The following RSBN1L variants were observed in gnomAD, a reference collection of about 807,000 sequenced individuals.
RSBN1L encodes lysine-specific demethylase RSBN1L.
A neutral mutation model predicts 67.7 loss-of-function variants in RSBN1L; 30 were observed. The observed-to-expected ratio is 0.44, with a 90% CI of 0.33 to 0.60. The LOEUF is 0.60. Among genes scored for constraint, RSBN1L ranks in the 20% least tolerant of loss-of-function variants. The pLI, the probability that RSBN1L is intolerant of heterozygous loss-of-function variation, is 0.02. For synonymous variants in RSBN1L, 433 were observed against 387.0 expected (o/e 1.12, Z -1.39); for missense variants, 992 against 1,031.7 (o/e 0.96, Z 0.53).
chr7:77,774,230 G>C (rs1791882962), intron 6 of RSBN1L, among the ~76,000 whole-genome samples: 1 of 152,270 alleles, frequency 6.6e-6, no homozygotes, highest in Non-Finnish European at 1.5e-5. Flanking sequence ...TACTTGAGGT[G>C]TCATCTCATA....
chr7:77,731,722 A>C (rs563657081), intron 1 of RSBN1L, among the ~76,000 whole-genome samples: 2 of 151,758 alleles, frequency 1.3e-5, no homozygotes, highest in African/African-American at 4.8e-5. Context: ...CAGCTTTATC[A>C]GTTCTTTTTT....
chr7:77,718,620 C>CT (rs1791077810), intron 1 of RSBN1L, among the ~76,000 whole-genome samples: 1 of 152,094 alleles, frequency 6.6e-6, no homozygotes, highest in South Asian at 2.1e-4. Flanking sequence ...CAGTTTTCTA[C>CT]TTTAACATTT....
rs777035604 is a variant in RSBN1L, at chr7:77,696,669, G to C, written c.200G>C (p.Arg67Thr). 3.2e-5 allele frequency: 51 copies of C among 1,611,322 alleles called. No individual in the cohort carries two copies. Among genetic ancestry groups the C allele is most frequent in the Non-Finnish European group, 4.2e-5 (49 of 1,179,138 alleles). Residue 67 changes from arginine (R) to threonine (T), a missense_variant, in exon 1 of 8, where the codon AGG becomes ACG. Coordinates refer to ENST00000334955, the MANE Select transcript of RSBN1L (RefSeq NM_198467.3). Reference sequence around the variant, plus strand: ...GAAGGGGGCAGCGGCGGGAACAGCAGGCAGCTGCAGCCGCCGGCAGCACCT... The same window carrying C: ...GAAGGGGGCAGCGGCGGGAACAGCACGCAGCTGCAGCCGCCGGCAGCACCT... ...NGEGGSGGNS[R>T]QLQPPAAPSP...
In RSBN1L at chr7:77,697,075, G is replaced by T. The variant is rs1263865517; in HGVS notation, c.586+20G>T. ...CCCGAGGTGGGTGCCGTGCGGGGAG[G>T]GGGAGGGGAGGGCGCCGTGGGTCCC... On this transcript the variant is annotated intron_variant, in intron 1 of 7. Coordinates refer to ENST00000334955, the MANE Select transcript of RSBN1L (RefSeq NM_198467.3). 3 of 1,378,638 alleles carry T rather than the reference G, an allele frequency of 2.2e-6. No homozygotes were observed. The highest frequency in any genetic ancestry group is 2.8e-6 in the Non-Finnish European group (3 of 1,072,160). The allele number at this position is 1,378,638 out of a possible 1,614,324, so 85.4% of individuals were successfully genotyped here.
intron 3 of RSBN1L, among the ~76,000 whole-genome samples, chr7:77,754,518 G>A (rs1791592612): frequency 6.6e-6 from 1 of 152,084 alleles, no homozygotes; most frequent in African/African-American, 2.4e-5. Flanking sequence ...GTATATTCAA[G>A]ACCTCATGTT....
chr7:77,755,222 T>G (rs531740750), intron 3 of RSBN1L, among the ~76,000 whole-genome samples: 2 of 152,178 alleles, frequency 1.3e-5, no homozygotes, highest in East Asian at 1.9e-4. Context: ...AAAGCCAAAT[T>G]AATGTTAAAG....
chr7:77,771,044 C>T (rs566640353), intron 5 of RSBN1L, among the ~76,000 whole-genome samples: 24 of 152,030 alleles, frequency 1.6e-4, no homozygotes, highest in Non-Finnish European at 2.8e-4. Context: ...CGGTTTCAAG[C>T]GATTCTCCTG....
chr7:77,696,609 C>A lies in RSBN1L; in HGVS notation c.140C>A (p.Thr47Asn), dbSNP rs780109937. The stretch of plus-strand genomic sequence containing the variant: ...TCTCTGTCCGCCAAGAAGGTCCGGA[C>A]TGAGGAGAAGAAGGCACCGCGGAGA... ...PGSLSAKKVR[T>N]EEKKAPRRVN... The change falls in exon 1 of 8, where the codon ACT (threonine) becomes AAT (asparagine). Residue 47 changes from threonine to asparagine, a missense_variant. By Grantham distance (65) the Thr-to-Asn change is moderately conservative. Around this residue, in one of 7 missense-constraint regions of RSBN1L, gnomAD observed 575 missense variants for 483.2 expected, o/e 1.19. Coordinates refer to ENST00000334955, the MANE Select transcript of RSBN1L (RefSeq NM_198467.3). 7 of 1,613,972 alleles carry A rather than the reference C, an allele frequency of 4.3e-6. 1 individual carries two copies. The highest frequency in any genetic ancestry group is 4.0e-5 in the African/African-American group (3 of 74,938).
intron 3 of RSBN1L, among the ~76,000 whole-genome samples, chr7:77,763,763 G>A (rs1005343299): frequency 1.2e-4 from 19 of 152,276 alleles, no homozygotes; most frequent in Middle Eastern, 3.4e-3. Context: ...CCTGATGACA[G>A]CTCACTGCAG....
In RSBN1L at chr7:77,749,920, G is replaced by A. The variant is rs1341085635; in HGVS notation, c.1200G>A (p.Val400=). Residue 400 remains valine (V), a synonymous_variant, in exon 3 of 8, where the codon GTG becomes GTA. Coordinates refer to ENST00000334955, the MANE Select transcript of RSBN1L (RefSeq NM_198467.3). ...ATGAAAACTCTGCAGCTTTCTACGT[G>A]ATGGGTATTGTTCATGGGGCAGCTA... The part of the protein sequence containing the change: ...SENENSAAFY[V]MGIVHGAATY... The A allele has an allele frequency of 4.3e-6, 7 of 1,614,094 alleles. No homozygotes were observed. The highest frequency in any genetic ancestry group is 5.9e-6 in the Non-Finnish European group (7 of 1,180,014).
intron 1 of RSBN1L, among the ~76,000 whole-genome samples, chr7:77,719,319 T>C (rs188703432): frequency 1.2e-4 from 19 of 152,170 alleles, no homozygotes; most frequent in African/African-American, 4.6e-4. Context: ...TAACTAAGAG[T>C]ATATAACAAG....
chr7:77,733,616 TTTAA>T (rs1432553695), intron 1 of RSBN1L, among the ~76,000 whole-genome samples: 2 of 152,004 alleles, frequency 1.3e-5, no homozygotes, highest in East Asian at 3.9e-4. Context: ...ATGTTAAATA[TTTAA>T]TTAAATAAAT....
intron 3 of RSBN1L, among the ~76,000 whole-genome samples, 185 bp downstream of exon 3, chr7:77,750,249 T>C (rs933727077): frequency 1.6e-4 from 24 of 151,460 alleles, no homozygotes; most frequent in Middle Eastern, 3.4e-3. Context: ...TTTTCACTTA[T>C]GTATGTTTTT....
At chr7:77,729,738 G>C (rs1481018565) in intron 1 of RSBN1L, among the ~76,000 whole-genome samples, 1 of 152,146 alleles carries the variant, frequency 6.6e-6, no homozygotes, top group Admixed American at 6.5e-5. Context: ...TGGAGTGTTT[G>C]AGCACAGGAG....
intron 4 of RSBN1L, among the ~76,000 whole-genome samples, chr7:77,768,006 A>G (rs1234104551): frequency 6.6e-6 from 1 of 150,410 alleles, no homozygotes; most frequent in East Asian, 2.0e-4. Context: ...GCGCGCCACC[A>G]TGCCCAGCTA....
rs1313316157 is a variant in RSBN1L at position 77,782,733 on chromosome 7, G to A, written c.*3565G>A. 1.3e-5 allele frequency: 2 copies of A among 152,132 alleles called. No individual in the cohort carries two copies. The highest frequency in any genetic ancestry group is 2.9e-5 in the Non-Finnish European group (2 of 68,020). The allele number at this position is 152,132 out of a possible 1,614,324, so 9.4% of individuals were successfully genotyped here. A position where few individuals can be genotyped will look rare whatever the true frequency, so the allele number is the denominator to read the frequency against. On this transcript the variant is annotated 3_prime_UTR_variant, in exon 8 of 8. Transcript: ENST00000334955. ...TTTTCTCGAGTGGTGGTCATTGAGG[G>A]TAGGGAAGATTTTATTTTTTAAGTT...
intron 2 of RSBN1L, among the ~76,000 whole-genome samples, chr7:77,743,684 A>C (rs773750140): frequency 8.1e-6 from 1 of 123,518 alleles, no homozygotes; most frequent in Admixed American, 7.8e-5. Flanking sequence ...ACTTTCACTC[A>C]AATGAAGTTT....
chr7:77,720,453 G>A (rs1295548066), intron 1 of RSBN1L, among the ~76,000 whole-genome samples: 3 of 152,038 alleles, frequency 2.0e-5, no homozygotes, highest in South Asian at 2.1e-4. Context: ...CCAGCTACTC[G>A]GGAGGCTGAG....
At chr7:77,750,294 G>GTGTTT (rs1457602860) in intron 3 of RSBN1L, among the ~76,000 whole-genome samples, 3 of 66,480 alleles carry the variant, frequency 4.5e-5, no homozygotes, top group African/African-American at 1.4e-4. Context: ...TTAAGATTCT[G>GTGTTT]TGTTTTTTTT....
Sources: allele counts gnomAD v4.1 joint callset (sites outside exome capture counted in the v4.1 genomes callset), GRCh38; gene constraint gnomAD v4.1.1; regional missense constraint gnomAD v4.1.1; transcripts MANE v1.5; gene names NCBI Gene and HGNC (gene_info 2026-07-23, HGNC 2026-07-21).